The following TRDMT1 variants were observed in gnomAD, a reference collection of about 807,000 sequenced individuals.
TRDMT1 encodes tRNA aspartic acid methyltransferase 1.
A neutral mutation model predicts 51.2 loss-of-function variants in TRDMT1; 49 were observed. The ratio of observed to expected loss-of-function variants is 0.96; its 90% CI spans 0.76 to 1.21. TRDMT1 has a LOEUF of 1.21. Ranked by LOEUF, TRDMT1 falls within the 50% of genes most tolerant of loss-of-function variation. The pLI is 0.00. For synonymous variants in TRDMT1, 187 were observed against 164.6 expected (o/e 1.14, Z -1.04); for missense variants, 534 against 462.3 (o/e 1.16, Z -1.42).
chr10:17,193,011 T>C (rs1014662917), intron 1 of TRDMT1, among the ~76,000 whole-genome samples: 1 of 152,108 alleles, frequency 6.6e-6, no homozygotes, highest in Non-Finnish European at 1.5e-5. Context: ...GGATGCCCAT[T>C]CTCACCACTC....
Position 17,140,297 on chromosome 10 carries a change from G to A in TRDMT1, c.*8743C>T, listed in dbSNP as rs995470325. Among the ~76,000 whole-genome samples, 10 of 149,562 alleles carry A rather than the reference G, an allele frequency of 6.7e-5. No individual in the cohort carries two copies. The highest frequency in any genetic ancestry group is 6.7e-5 in the Admixed American group (1 of 14,886). ...TCTTGAACTCCTGACCTCATGGTCC[G>A]TTCACTTCGACCTCCCAAAGTGCTG... On this transcript the variant is annotated 3_prime_UTR_variant, in exon 11 of 11. Coordinates refer to ENST00000377799, the MANE Select transcript of TRDMT1 (RefSeq NM_004412.7).
chr10:17,148,715 A>T lies in TRDMT1; in HGVS notation c.*325T>A, dbSNP rs1033830427. The T allele has an allele frequency of 4.0e-6, 4 of 994,718 alleles. No homozygotes were observed. In the South Asian group the frequency reaches 1.9e-4, roughly 46 times the overall value. The allele number at this position is 994,718 out of a possible 1,614,324, so 61.6% of individuals were successfully genotyped here. ...TATGCCTGTTATGACACTTCACAAG[A>T]TACTCATGTAGACACTAAAGCTCTA... On this transcript the variant is annotated 3_prime_UTR_variant, in exon 11 of 11. Coordinates refer to ENST00000377799, the MANE Select transcript of TRDMT1 (RefSeq NM_004412.7).
chr10:17,199,116 C>A (rs1845823736), intron 1 of TRDMT1, among the ~76,000 whole-genome samples: 1 of 152,146 alleles, frequency 6.6e-6, no homozygotes, highest in Admixed American at 6.5e-5. Flanking sequence ...ATATTAAAAA[C>A]CACCTGGAAA....
chr10:17,168,908 G>C lies in TRDMT1; in HGVS notation c.184C>G (p.Leu62Val). The C allele has an allele frequency of 6.2e-7, 1 of 1,610,442 alleles. No individual in the cohort carries two copies. Among genetic ancestry groups the C allele is most frequent in the Non-Finnish European group, 8.5e-7 (1 of 1,177,752 alleles). Residue 62 changes from leucine (L) to valine (V), a missense_variant, in exon 3 of 11, where the codon CTC (leucine) becomes GTC (valine). By Grantham distance (32) the Leu-to-Val change is conservative. Coordinates refer to ENST00000377799, the MANE Select transcript of TRDMT1 (RefSeq NM_004412.7). ...AAAGATAATCTGTCAAACTCTTCGAGTGTAATGCCCTGAGGAATGAACATT... is the reference window on the plus strand; with the variant it reads ...AAAGATAATCTGTCAAACTCTTCGACTGTAATGCCCTGAGGAATGAACATT... ...LLAKTIEGIT[L>V]EEFDRLSFDM... is the part of the protein sequence containing the mutation.
intron 10 of TRDMT1, chr10:17,151,536 G>A (rs1838739822): frequency 2.0e-6 from 2 of 985,408 alleles, no homozygotes; most frequent in Non-Finnish European, 2.4e-6. Context: ...GGACAGTTGT[G>A]TCACGGTGCT....
chr10:17,152,082 G>C (rs1341872169), intron 10 of TRDMT1: 2 of 1,300,910 alleles, frequency 1.5e-6, no homozygotes, highest in Non-Finnish European at 1.0e-6. Context: ...GTCTTCAAGA[G>C]TATGTCTGAT....
chr10:17,195,031 A>G (rs1337903575), intron 1 of TRDMT1, among the ~76,000 whole-genome samples: 2 of 152,152 alleles, frequency 1.3e-5, no homozygotes, highest in Admixed American at 1.3e-4. Context: ...ATGTAAATAA[A>G]TTCAGCCATG....
chr10:17,153,768 A>C, intron 9 of TRDMT1, 132 bp from the exon 10 acceptor site: 4 of 857,410 alleles, frequency 4.7e-6, no homozygotes, highest in South Asian at 2.0e-5. Flanking sequence ...CACAGGGCAA[A>C]ATGGCTCTGT....
Position 17,139,178 on chromosome 10 carries a change from C to T in TRDMT1, c.*9862G>A, listed in dbSNP as rs7100163. Reference sequence around the variant, plus strand: ...GCGGAGTTTACCATAGGTGAACCCTCCTGCCATCCTGTTCCAAATCAACCT... The same window carrying T: ...GCGGAGTTTACCATAGGTGAACCCTTCTGCCATCCTGTTCCAAATCAACCT... On this transcript the variant is annotated 3_prime_UTR_variant, in exon 11 of 11. Coordinates refer to ENST00000377799, the MANE Select transcript of TRDMT1 (RefSeq NM_004412.7). The T allele has an allele frequency of 0.3, 294,298 of 984,320 alleles. 44,479 individuals are homozygous for T. The highest frequency in any genetic ancestry group is 0.31 in the Non-Finnish European group (256,074 of 829,088). 61.0% of individuals were successfully genotyped at this position (984,320 alleles called of 1,614,324 possible). A position where few individuals can be genotyped will look rare whatever the true frequency, so the allele number is the denominator to read the frequency against.
At position 17,160,472 on chromosome 10, in the gene TRDMT1, GT is replaced by G. The variant is rs1053386469; in HGVS notation, c.390-99del. On this transcript the variant is annotated intron_variant, in intron 5 of 10. Coordinates refer to ENST00000377799, the MANE Select transcript of TRDMT1 (RefSeq NM_004412.7). Reference sequence around the variant, plus strand: ...CTGGGTTTCTTTTGTTTGTTTTCTTGTTTTTTTGGTTTTTTTTGAGACAGAG... The same window carrying G: ...CTGGGTTTCTTTTGTTTGTTTTCTTGTTTTTTGGTTTTTTTTGAGACAGAG... The G allele has an allele frequency of 3.0e-5, 24 of 799,192 alleles. 1 individual carries two copies. Among genetic ancestry groups the G allele is most frequent in the Middle Eastern group, 4.4e-4 (1 of 2,298 alleles). 49.5% of individuals were successfully genotyped at this position (799,192 alleles called of 1,614,324 possible).
At chr10:17,174,185 A>G (rs1842371891) in intron 2 of TRDMT1, among the ~76,000 whole-genome samples, 1 of 152,256 alleles carries the variant, frequency 6.6e-6, no homozygotes. Flanking sequence ...ATTCAGTAAA[A>G]GCCAATGATT....
At chr10:17,159,379 A>G in intron 6 of TRDMT1, 150 bp from the exon 7 acceptor site, 1 of 528,808 alleles carries the variant, frequency 1.9e-6, no homozygotes, top group Non-Finnish European at 3.4e-6. Flanking sequence ...TTTGTAGAAG[A>G]CTCCATTGTA....
intron 1 of TRDMT1, among the ~76,000 whole-genome samples, chr10:17,193,832 T>C (rs11254454): frequency 0.14 from 20,877 of 152,162 alleles, 1,530 homozygotes; most frequent in Admixed American, 0.17. Flanking sequence ...TATGGAACCA[T>C]ATAAAAGCCT....
At chr10:17,161,825 A>G (rs1840397866) in intron 4 of TRDMT1, among the ~76,000 whole-genome samples, 1 of 152,180 alleles carries the variant, frequency 6.6e-6, no homozygotes, top group Admixed American at 6.5e-5. Flanking sequence ...AAGGGCGGCT[A>G]CTCACATAGA....
chr10:17,181,074 T>C (rs183019442), intron 1 of TRDMT1, among the ~76,000 whole-genome samples: 1,987 of 148,340 alleles, frequency 0.013, 34 homozygotes, highest in African/African-American at 0.045. Flanking sequence ...AAACATCAAA[T>C]TTATTCACTG....
Position 17,147,231 on chromosome 10 carries a change from T to G in TRDMT1, c.*1809A>C. On this transcript the variant is annotated 3_prime_UTR_variant, in exon 11 of 11. Transcript: ENST00000377799. ...TGTGCCAAAATAATTTGTGATTGTT[T>G]ACTGAAATTTATGAGACTTGTAATA... 1 of 985,848 alleles carries G rather than the reference T, an allele frequency of 1.0e-6. No individual in the cohort carries two copies. Among genetic ancestry groups the G allele is most frequent in the Non-Finnish European group, 1.2e-6 (1 of 829,940 alleles). The allele number at this position is 985,848 out of a possible 1,614,324, so 61.1% of individuals were successfully genotyped here.
In TRDMT1 at chr10:17,162,182, G is replaced by C; in HGVS notation, c.307C>G (p.Leu103Val). The C allele has an allele frequency of 6.2e-7, 1 of 1,605,806 alleles. No individual in the cohort carries two copies. Among genetic ancestry groups the C allele is most frequent in the Non-Finnish European group, 8.5e-7 (1 of 1,177,126 alleles). The change falls in exon 4 of 11, where the codon CTA becomes GTA. Residue 103 changes from leucine to valine, a missense_variant. Physicochemically the swap from Leu to Val is conservative, Grantham distance 32 (BLOSUM62 1). Coordinates refer to ENST00000377799, the MANE Select transcript of TRDMT1 (RefSeq NM_004412.7). The stretch of plus-strand genomic sequence containing the variant: ...AGTTTTTACCTTGGGAGAATATCTA[G>C]AATATGTAAGAAGCTATTCGTCCTT... ...DSRTNSFLHI[L>V]DILPRLQKLP...
chr10:17,150,628 T>C (rs1838568360), intron 10 of TRDMT1: 2 of 985,028 alleles, frequency 2.0e-6, no homozygotes, highest in South Asian at 4.7e-5. Flanking sequence ...ATAAGTTAGA[T>C]AAGAAAATGA....
chr10:17,143,467 A>C lies in TRDMT1; in HGVS notation c.*5573T>G. 1.0e-6 allele frequency: 1 copy of C among 985,442 alleles called. No homozygotes were observed. Among genetic ancestry groups the C allele is most frequent in the Non-Finnish European group, 1.2e-6 (1 of 829,930 alleles). The allele number at this position is 985,442 out of a possible 1,614,324, so 61.0% of individuals were successfully genotyped here. A position where few individuals can be genotyped will look rare whatever the true frequency, so the allele number is the denominator to read the frequency against. On this transcript the variant is annotated 3_prime_UTR_variant, in exon 11 of 11. Transcript: ENST00000377799. Reference sequence around the variant, plus strand: ...ATTTCTACTACACAAGGAGTATCACATTCCATTCAGTGTTTTCAGTCATTT... The same window carrying C: ...ATTTCTACTACACAAGGAGTATCACCTTCCATTCAGTGTTTTCAGTCATTT...
Sources: gnomAD v4.1 joint callset for allele counts (sites outside exome capture counted in the v4.1 genomes callset) on GRCh38, gnomAD v4.1.1 for gene constraint, MANE v1.5 for transcripts, NCBI Gene and HGNC (gene_info 2026-07-23, HGNC 2026-07-21) for gene names.